RAD51B: variants seen among roughly 807,000 people sequenced by gnomAD.
The protein encoded by RAD51B is RAD51 paralog B, also known as DNA repair protein RAD51 homolog 2.
In RAD51B, 38 loss-of-function variants were observed where a neutral mutation model predicts 42.2. That is an observed-to-expected ratio of 0.90 (90% CI 0.70 to 1.18). RAD51B has a LOEUF of 1.18. Among genes scored for constraint, RAD51B ranks in the 50% most tolerant of loss-of-function variants. The pLI, the probability that RAD51B is intolerant of heterozygous loss-of-function variation, is 0.00. For synonymous variants in RAD51B, 154 were observed against 145.2 expected (o/e 1.06, Z -0.43); for missense variants, 373 against 400.7 (o/e 0.93, Z 0.59).
At chr14:68,184,087 C>T (rs1269694833) in intron 7 of RAD51B, among the ~76,000 whole-genome samples, 1 of 61,720 alleles carries the variant, frequency 1.6e-5, no homozygotes, top group Admixed American at 1.6e-4. Context: ...AGGGAGACTC[C>T]ATCTCAAAAA....
At chr14:68,210,520 C>T (rs985218818) in intron 7 of RAD51B, among the ~76,000 whole-genome samples, 4 of 151,708 alleles carry the variant, frequency 2.6e-5, no homozygotes, top group African/African-American at 9.7e-5. Context: ...CCTTAGGTTA[C>T]TTAAGGGTGA....
chr14:67,898,073 C>T (rs1057027190), intron 7 of RAD51B, among the ~76,000 whole-genome samples: 16 of 152,132 alleles, frequency 1.1e-4, no homozygotes, highest in Non-Finnish European at 4.4e-5. Flanking sequence ...TATTTCTGGC[C>T]ATATATCCAA....
rs559887983 is a variant in RAD51B at position 68,438,878 on chromosome 14, G to A, written c.957+27351G>A. 8.4e-3 allele frequency among the ~76,000 whole-genome samples: 1,272 copies of A among 152,256 alleles called. 21 individuals are homozygous for A. Among genetic ancestry groups the A allele is most frequent in the African/African-American group, 0.025 (1,034 of 41,528 alleles). ...TGTAAAGTCCAGGGGAGTGGCATCA[G>A]TAGCTAATTTGCAGAAATACCAGTA... On this transcript the variant is annotated intron_variant, in intron 9 of 10. Coordinates refer to ENST00000471583, the MANE Select transcript of RAD51B (RefSeq NM_133510.4).
intron 9 of RAD51B, among the ~76,000 whole-genome samples, chr14:68,433,528 G>A (rs1365600870): frequency 1.3e-5 from 2 of 152,096 alleles, no homozygotes; most frequent in African/African-American, 4.8e-5. Flanking sequence ...CTTTCTTCCA[G>A]TTGATCGACT....
At chr14:67,900,844 T>C (rs1419692124) in intron 7 of RAD51B, among the ~76,000 whole-genome samples, 1 of 152,148 alleles carries the variant, frequency 6.6e-6, no homozygotes, top group Non-Finnish European at 1.5e-5. Flanking sequence ...ATTTACTTTT[T>C]TGTTCTGTAT....
chr14:68,438,653 C>G (rs1780681427), intron 9 of RAD51B, among the ~76,000 whole-genome samples: 1 of 152,190 alleles, frequency 6.6e-6, no homozygotes, highest in Non-Finnish European at 1.5e-5. Flanking sequence ...GTCATCTCCA[C>G]TCTCAATGCC....
At chr14:68,144,822 G>C (rs35050678) in intron 7 of RAD51B, among the ~76,000 whole-genome samples, 5 of 152,046 alleles carry the variant, frequency 3.3e-5, no homozygotes, top group Non-Finnish European at 7.4e-5. Context: ...AGATGAATTT[G>C]TTTGCTAAAA....
At chr14:68,609,825 C>A (rs1891604920) in intron 10 of RAD51B, among the ~76,000 whole-genome samples, 2 of 152,284 alleles carry the variant, frequency 1.3e-5, no homozygotes, top group South Asian at 4.1e-4. Flanking sequence ...CAGGAGCCAA[C>A]CCCCTAGCTG....
At chr14:68,124,948 C>CA (rs199751390) in intron 7 of RAD51B, 12,540 of 120,348 alleles carry the variant, frequency 0.1, 1,532 homozygotes, top group African/African-American at 0.31. Context: ...GACTCTGACT[C>CA]AAAAAAAAAA....
At chr14:68,502,409 G>A (rs952258790) in intron 10 of RAD51B, among the ~76,000 whole-genome samples, 1 of 152,178 alleles carries the variant, frequency 6.6e-6, no homozygotes, top group African/African-American at 2.4e-5. Flanking sequence ...CGGGCCGCCC[G>A]GGACTTTCTG....
chr14:67,970,350 T>A (rs1370662703), intron 7 of RAD51B, among the ~76,000 whole-genome samples: 2 of 152,126 alleles, frequency 1.3e-5, no homozygotes, highest in African/African-American at 4.8e-5. Flanking sequence ...GCAAAAGTGT[T>A]CTATGTTAGG....
chr14:68,327,759 G>A (rs183018003), intron 8 of RAD51B, among the ~76,000 whole-genome samples: 116 of 152,074 alleles, frequency 7.6e-4, no homozygotes, highest in African/African-American at 2.6e-3. Context: ...ATAAATTAAA[G>A]TCAACTTATA....
At position 68,673,916 on chromosome 14, in the gene RAD51B, CAT is replaced by C. The variant is rs199519674; in HGVS notation, c.*11+23063_*11+23064del. ...CATGCACACACATACTGTACACACA[CAT>C]ATGTATATGTGCACACACACACATA... is the stretch of plus-strand genomic sequence containing the variant. On this transcript the variant is annotated intron_variant, in intron 11 of 11. Transcript: ENST00000488612. 1.5e-3 allele frequency among the ~76,000 whole-genome samples: 219 copies of C among 150,866 alleles called. 1 individual carries two copies. Among genetic ancestry groups the C allele is most frequent in the African/African-American group, 4.9e-3 (202 of 41,008 alleles).
intron 7 of RAD51B, among the ~76,000 whole-genome samples, chr14:68,095,768 G>A (rs1045569993): frequency 5.9e-5 from 9 of 151,996 alleles, no homozygotes; most frequent in South Asian, 2.1e-4. Context: ...GAGGTCAGGA[G>A]ATGGAGACCA....
intron 7 of RAD51B, among the ~76,000 whole-genome samples, chr14:68,203,459 C>T (rs571345787): frequency 3.0e-4 from 45 of 152,264 alleles, no homozygotes; most frequent in Non-Finnish European, 4.1e-4. Flanking sequence ...CAGACTTTGT[C>T]GTTCCACTTC....
chr14:67,943,804 T>G (rs1240207598), intron 7 of RAD51B, among the ~76,000 whole-genome samples: 4 of 152,104 alleles, frequency 2.6e-5, no homozygotes, highest in Non-Finnish European at 4.4e-5. Context: ...TTGTGACACG[T>G]GGGTTATAAT....
intron 7 of RAD51B, among the ~76,000 whole-genome samples, chr14:68,243,715 C>G (rs2080438405): frequency 6.6e-6 from 1 of 152,156 alleles, no homozygotes; most frequent in Admixed American, 6.5e-5. Flanking sequence ...TAATGAATCC[C>G]CTTTATCCTG....
intron 8 of RAD51B, among the ~76,000 whole-genome samples, chr14:68,331,383 A>AAAAAAAAAAAAAAAAAAAC: frequency 6.7e-6 from 1 of 148,294 alleles, no homozygotes; most frequent in African/African-American, 2.5e-5. Flanking sequence ...AAAAAAAAAA[A>AAAAAAAAAAAAAAAAAAAC]AAGCAATGGT....
chr14:68,432,580 C>CT (rs893513826), intron 9 of RAD51B, among the ~76,000 whole-genome samples: 2 of 152,012 alleles, frequency 1.3e-5, no homozygotes, highest in African/African-American at 4.8e-5. Flanking sequence ...CAACTCCTGC[C>CT]TTTTTTTGTT....
Sources: allele counts gnomAD v4.1 joint callset (sites outside exome capture counted in the v4.1 genomes callset), GRCh38; gene constraint gnomAD v4.1.1; transcripts MANE v1.5; gene names NCBI Gene and HGNC (gene_info 2026-07-23, HGNC 2026-07-21).